The following SOX30 variants were observed in gnomAD, a reference collection of about 807,000 sequenced individuals.
SOX30 encodes the protein SRY-box transcription factor 30.
A neutral mutation model predicts 58.6 loss-of-function variants in SOX30; 17 were observed. That is an observed-to-expected ratio of 0.29 (90% CI 0.20 to 0.44). The LOEUF is 0.44. Ranked by LOEUF, SOX30 falls within the 20% of genes least tolerant of loss-of-function variation. The pLI is 1.00. For synonymous variants in SOX30, 421 were observed against 400.2 expected (o/e 1.05, Z -0.62); for missense variants, 951 against 965.8 (o/e 0.98, Z 0.20).
At chr5:157,664,662 G>A (rs1196932658) in intron 2 of SOX30, among the ~76,000 whole-genome samples, 1 of 152,144 alleles carries the variant, frequency 6.6e-6, no homozygotes, top group Non-Finnish European at 1.5e-5. Context: ...GAGTGAACAG[G>A]CAACCTACGG....
upstream of SOX30, among the ~76,000 whole-genome samples, chr5:157,654,865 A>G (rs924188374): frequency 9.9e-5 from 15 of 152,236 alleles, 2 homozygotes; most frequent in Non-Finnish European, 1.5e-5. Flanking sequence ...AAGGGGAGGC[A>G]TGAAAAATCC....
chr5:157,628,325 G>A (rs76844479), intron 4 of SOX30, among the ~76,000 whole-genome samples: 15,276 of 149,910 alleles, frequency 0.1, 955 homozygotes, highest in South Asian at 0.16. Flanking sequence ...CATACTCATC[G>A]GCAAAACCCA....
At chr5:157,665,273 A>G (rs1222829047) in intron 2 of SOX30, among the ~76,000 whole-genome samples, 5 of 152,230 alleles carry the variant, frequency 3.3e-5, no homozygotes, top group Non-Finnish European at 5.9e-5. Context: ...CAGCCATAAA[A>G]AATGATGAGT....
At chr5:157,650,639 A>G (rs1260162908) in intron 1 of SOX30, among the ~76,000 whole-genome samples, 1 of 152,200 alleles carries the variant, frequency 6.6e-6, no homozygotes. Flanking sequence ...TTCTGCTAGA[A>G]TATTTATTAT....
chr5:157,651,427 C>T lies in SOX30; in HGVS notation c.652G>A (p.Glu218Lys). 1 of 1,613,484 alleles carries T rather than the reference C, an allele frequency of 6.2e-7. No homozygotes were observed. The highest frequency in any genetic ancestry group is 8.5e-7 in the Non-Finnish European group (1 of 1,180,040). Residue 218 changes from glutamate to lysine, a missense_variant, in exon 1 of 5, where the codon GAG becomes AAG. Glu to Lys is a moderately conservative substitution (Grantham distance 56). Transcript: ENST00000265007. Reference sequence around the variant, plus strand: ...AGCCTGCAGTCCTCGAGGAGTCTCTCGGGTTCCTCCGTTTTGATCACACCT... The same window carrying T: ...AGCCTGCAGTCCTCGAGGAGTCTCTTGGGTTCCTCCGTTTTGATCACACCT... ...REGVIKTEEPERLLEDCRLGA... is the reference protein window; with the variant it reads ...REGVIKTEEPKRLLEDCRLGA...
upstream of SOX30, among the ~76,000 whole-genome samples, chr5:157,653,747 C>T (rs977382834): frequency 6.6e-6 from 1 of 152,240 alleles, no homozygotes; most frequent in African/African-American, 2.4e-5. Flanking sequence ...TCAAAGACCA[C>T]TCCAATTTAT....
intron 2 of SOX30, among the ~76,000 whole-genome samples, chr5:157,664,961 A>G (rs907615968): frequency 4.6e-5 from 7 of 152,242 alleles, no homozygotes; most frequent in Admixed American, 4.6e-4. Context: ...GGTGCTGGAG[A>G]GGAGGTGGAA....
chr5:157,630,258 C>T (rs1758758074), intron 4 of SOX30, among the ~76,000 whole-genome samples: 1 of 152,126 alleles, frequency 6.6e-6, no homozygotes, highest in Admixed American at 6.5e-5. Context: ...TTTAAAACAG[C>T]TGATTTAAAC....
intron 4 of SOX30, among the ~76,000 whole-genome samples, chr5:157,632,206 G>C (rs750007255): frequency 1.3e-5 from 2 of 152,066 alleles, no homozygotes; most frequent in Non-Finnish European, 1.5e-5. Flanking sequence ...ACAGCACTGT[G>C]TTAGTGCATG....
In SOX30 at chr5:157,669,576, G is replaced by A. The variant is rs569089065; in HGVS notation, c.-3-1724C>T. On this transcript the variant is annotated intron_variant, in intron 1 of 5. Coordinates refer to the SOX30 transcript ENST00000519442. The stretch of plus-strand genomic sequence containing the variant: ...TGTCGCCCAGGCTGGAAGTGCAGTG[G>A]CACAATCTTGGCTCACTGCAACCTC... 6.6e-5 allele frequency among the ~76,000 whole-genome samples: 10 copies of A among 151,368 alleles called. No individual in the cohort carries two copies. The East Asian group carries it at 1.7e-3, about 26-fold the overall frequency.
In SOX30 at chr5:157,651,648, G is replaced by T. The variant is rs1383930128; in HGVS notation, c.431C>A (p.Pro144His). ...HVKAKKQKLG[P>H]SLDQSVGPRG... ...AGGCCCCACTGACTGATCCAGGCTG[G>T]GCCCCAGCTTCTGCTTCTTGGCCTT... The change falls in exon 1 of 5, where the codon CCC becomes CAC. Residue 144 changes from proline (P) to histidine (H), a missense_variant. Physicochemically the swap from Pro to His is moderately conservative, Grantham distance 77 (BLOSUM62 -2). This residue lies in a region of SOX30 where 363 missense variants were observed against 294.5 expected (regional missense o/e 1.23). Transcript: ENST00000265007. 6.2e-7 allele frequency: 1 copy of T among 1,612,106 alleles called. No individual in the cohort carries two copies. The highest frequency in any genetic ancestry group is 8.5e-7 in the Non-Finnish European group (1 of 1,179,704).
At chr5:157,632,598 G>T (rs897786465) in intron 4 of SOX30, among the ~76,000 whole-genome samples, 1 of 152,098 alleles carries the variant, frequency 6.6e-6, no homozygotes, top group African/African-American at 2.4e-5. Context: ...CAAAAAGAGC[G>T]AAACTCCATC....
intron 1 of SOX30, among the ~76,000 whole-genome samples, chr5:157,668,676 C>T (rs1170528467): frequency 6.6e-6 from 1 of 152,186 alleles, no homozygotes; most frequent in Non-Finnish European, 1.5e-5. Flanking sequence ...TGTGACACCT[C>T]TGGCTTTTCC....
chr5:157,646,665 G>C lies in SOX30; in HGVS notation c.1359C>G (p.Ser453Arg). The change falls in exon 3 of 5, where the codon AGC (serine) becomes AGG (arginine). Residue 453 changes from serine to arginine, a missense_variant. Physicochemically the swap from Ser to Arg is moderately radical, Grantham distance 110 (BLOSUM62 -1). Transcript: ENST00000265007. ...CTGGATGAGTGATGGGATTCTGTAG[G>C]CTGGGAATTACCACAGAGTACGTAG... ...RSPTYSVVIP[S>R]LQNPITHPVG... The C allele has an allele frequency of 6.2e-7, 1 of 1,611,252 alleles. No individual in the cohort carries two copies.
At chr5:157,656,422 G>T (rs1423289712), upstream of SOX30, among the ~76,000 whole-genome samples, 1 of 152,184 alleles carries the variant, frequency 6.6e-6, no homozygotes, top group African/African-American at 2.4e-5. Flanking sequence ...ATAAGCTGCT[G>T]CTTTCACTTT....
At chr5:157,629,498 C>T (rs1190949077) in intron 4 of SOX30, among the ~76,000 whole-genome samples, 1 of 152,082 alleles carries the variant, frequency 6.6e-6, no homozygotes, top group Non-Finnish European at 1.5e-5. Context: ...GTGGTAAAGA[C>T]GAGTTCGTGT....
chr5:157,665,303 A>G (rs1759648647), intron 2 of SOX30, among the ~76,000 whole-genome samples: 2 of 152,174 alleles, frequency 1.3e-5, no homozygotes, highest in Admixed American at 1.3e-4. Flanking sequence ...TTGTAGGGAC[A>G]TGGATGAAGC....
In SOX30 at chr5:157,647,596, C is replaced by A. The variant is rs187784084; in HGVS notation, c.1208-780G>T. Among the ~76,000 whole-genome samples, 11 of 152,206 alleles carry A rather than the reference C, an allele frequency of 7.2e-5. No homozygotes were observed. In the East Asian group the frequency reaches 2.1e-3, roughly 29 times the overall value. On this transcript the variant is annotated intron_variant, in intron 2 of 4. Transcript: ENST00000265007. ...TTGAGACAGAGTCTCACTCTGCCGC[C>A]CAGGCTGGAGTGCAGTGGCACGATC...
intron 4 of SOX30, among the ~76,000 whole-genome samples, chr5:157,637,973 C>G (rs1456250430): frequency 6.6e-6 from 1 of 152,126 alleles, no homozygotes; most frequent in Non-Finnish European, 1.5e-5. Flanking sequence ...GAATTACAGG[C>G]ATGAGCCACT....
Sources: allele counts gnomAD v4.1 joint callset (sites outside exome capture counted in the v4.1 genomes callset), GRCh38; gene constraint gnomAD v4.1.1; regional missense constraint gnomAD v4.1.1; transcripts MANE v1.5; gene names NCBI Gene and HGNC (gene_info 2026-07-23, HGNC 2026-07-21).